The following BACH2 variants were observed in gnomAD, a reference collection of about 807,000 sequenced individuals.
BACH2 encodes the protein BACH transcriptional regulator 2.
BACH2 carries 5 observed loss-of-function variants against 61.8 expected under a neutral mutation model. The ratio of observed to expected loss-of-function variants is 0.08; its 90% CI spans 0.04 to 0.17. BACH2 has a LOEUF of 0.17. Ranked by LOEUF, BACH2 falls within the 10% of genes least tolerant of loss-of-function variation. The pLI, the probability that BACH2 is intolerant of heterozygous loss-of-function variation, is 1.00. For synonymous variants in BACH2, 446 were observed against 440.1 expected (o/e 1.01, Z -0.17); for missense variants, 824 against 1,091.1 (o/e 0.76, Z 3.45).
chr6:90,238,236 A>G (rs1261150115), intron 3 of BACH2, among the ~76,000 whole-genome samples: 1 of 152,144 alleles, frequency 6.6e-6, no homozygotes, highest in African/African-American at 2.4e-5. Flanking sequence ...TCGATCATCT[A>G]TCTATGTTGG....
chr6:90,134,111 CCA>C (rs1233071161), intron 4 of BACH2, among the ~76,000 whole-genome samples: 1 of 152,146 alleles, frequency 6.6e-6, no homozygotes, highest in South Asian at 2.1e-4. Flanking sequence ...TGAGGAATCG[CCA>C]CACTGACTTC....
At chr6:89,949,505 G>C in intron 7 of BACH2, among the ~76,000 whole-genome samples, 1 of 152,124 alleles carries the variant, frequency 6.6e-6, no homozygotes, top group East Asian at 1.9e-4. Flanking sequence ...TGTGGCTGCT[G>C]TTGCCCCTGT....
At chr6:89,998,239 C>T (rs1018437568) in intron 6 of BACH2, among the ~76,000 whole-genome samples, 1 of 152,068 alleles carries the variant, frequency 6.6e-6, no homozygotes, top group Non-Finnish European at 1.5e-5. Context: ...CTCTTTGCTG[C>T]CAGTCAGTCA....
chr6:90,086,252 G>A (rs117917782), intron 5 of BACH2, among the ~76,000 whole-genome samples: 2 of 152,238 alleles, frequency 1.3e-5, no homozygotes, highest in Non-Finnish European at 2.9e-5. Context: ...CACCTGGGTT[G>A]CATCCACCTC....
intron 3 of BACH2, among the ~76,000 whole-genome samples, chr6:90,219,752 C>A (rs1393744445): frequency 6.7e-6 from 1 of 150,296 alleles, no homozygotes; most frequent in Non-Finnish European, 1.5e-5. Context: ...TTCATACTCA[C>A]TTCATATTCT....
At chr6:89,947,452 G>C (rs1773795280) in intron 7 of BACH2, among the ~76,000 whole-genome samples, 1 of 152,136 alleles carries the variant, frequency 6.6e-6, no homozygotes, top group Non-Finnish European at 1.5e-5. Flanking sequence ...TAACTTTACT[G>C]TAACTGTCCT....
At chr6:90,095,284 T>C (rs1263763267) in intron 4 of BACH2, among the ~76,000 whole-genome samples, 1 of 152,262 alleles carries the variant, frequency 6.6e-6, no homozygotes, top group Non-Finnish European at 1.5e-5. Context: ...GACACTTGTA[T>C]AAGGCAGAAC....
intron 6 of BACH2, among the ~76,000 whole-genome samples, chr6:89,998,371 T>G (rs1478923665): frequency 6.6e-6 from 1 of 152,208 alleles, no homozygotes; most frequent in Admixed American, 6.5e-5. Context: ...GCTCACCGCA[T>G]TACTAGCTGG....
intron 7 of BACH2, among the ~76,000 whole-genome samples, chr6:89,942,142 C>G (rs1773471214): frequency 7.1e-6 from 1 of 141,608 alleles, no homozygotes. Flanking sequence ...CAAGGGAGGA[C>G]TTATGTTCAC....
intron 7 of BACH2, among the ~76,000 whole-genome samples, chr6:89,949,402 G>A (rs1027554448): frequency 6.6e-6 from 1 of 152,144 alleles, no homozygotes; most frequent in Non-Finnish European, 1.5e-5. Flanking sequence ...ACTCTCTCAG[G>A]TCTTTCTAGG....
intron 8 of BACH2, 53 bp from the exon 9 acceptor site, chr6:89,932,943 AG>A: frequency 6.6e-7 from 1 of 1,508,100 alleles, no homozygotes; most frequent in South Asian, 1.4e-5. Context: ...ACTGGAGGAC[AG>A]AAGGCCTCGT....
chr6:89,969,000 G>T (rs1775205532), intron 6 of BACH2, among the ~76,000 whole-genome samples: 1 of 150,470 alleles, frequency 6.6e-6, no homozygotes, highest in Non-Finnish European at 1.5e-5. Flanking sequence ...GACAGAATGA[G>T]ACTCTGTCTC....
rs766462405 is a variant in BACH2, at chr6:90,008,676, C to A, written c.169G>T (p.Ala57Ser). The A allele has an allele frequency of 3.1e-6, 5 of 1,614,108 alleles. No individual in the cohort carries two copies. The highest frequency in any genetic ancestry group is 4.5e-5 in the East Asian group (2 of 44,902). ...EFRAHRAVLA[A>S]CSEYFWQALV... Reference sequence around the variant, plus strand: ...GCCTGCCAAAAATATTCACTGCATGCGGCCAGCACAGCCCGGTGGGCCCGG... The same window carrying A: ...GCCTGCCAAAAATATTCACTGCATGAGGCCAGCACAGCCCGGTGGGCCCGG... The change falls in exon 6 of 9, where the codon GCA becomes TCA. Residue 57 changes from alanine (A) to serine (S), a missense_variant. This residue lies in a region of BACH2 where 66 missense variants were observed against 144.8 expected (regional missense o/e 0.46). Coordinates refer to ENST00000257749, the MANE Select transcript of BACH2 (RefSeq NM_021813.4). The surrounding 1 kb of genome is among the most constrained non-coding windows in gnomAD (Gnocchi z 4.1).
Position 89,932,256 on chromosome 6 carries a change from G to C in BACH2, c.*152C>G. On this transcript the variant is annotated 3_prime_UTR_variant, in exon 9 of 9. Transcript: ENST00000257749. ...TCACTCCTGCTCGAGAAGAGGAGAG[G>C]ATACTTCGGAACAGTATTGCTGCTA... The C allele has an allele frequency of 3.0e-6, 3 of 1,008,058 alleles. No homozygotes were observed. The highest frequency in any genetic ancestry group is 4.4e-6 in the Non-Finnish European group (3 of 684,906). The allele number at this position is 1,008,058 out of a possible 1,614,324, so 62.4% of individuals were successfully genotyped here.
chr6:90,294,220 C>T (rs537603779), intron 1 of BACH2, among the ~76,000 whole-genome samples: 3 of 152,206 alleles, frequency 2.0e-5, no homozygotes, highest in Non-Finnish European at 4.4e-5. Context: ...AATAGACAGA[C>T]AGCAGAAGAA....
intron 5 of BACH2, among the ~76,000 whole-genome samples, chr6:90,030,529 C>T (rs895105674): frequency 6.4e-4 from 97 of 152,214 alleles, no homozygotes; most frequent in African/African-American, 2.1e-3. Flanking sequence ...GATATCACCA[C>T]CGATGCCACA....
At chr6:90,101,582 T>C (rs1235533423) in intron 4 of BACH2, among the ~76,000 whole-genome samples, 1 of 152,204 alleles carries the variant, frequency 6.6e-6, no homozygotes, top group Non-Finnish European at 1.5e-5. Flanking sequence ...TCTTATAGGA[T>C]GTTTTGAAAA....
intron 6 of BACH2, among the ~76,000 whole-genome samples, chr6:89,973,088 T>C (rs12191258): frequency 0.56 from 85,565 of 151,844 alleles, 24,316 homozygotes; most frequent in African/African-American, 0.63. Context: ...GAAATTCCAT[T>C]TCAAAACAAC....
intron 3 of BACH2, among the ~76,000 whole-genome samples, chr6:90,211,126 CAAAAAAAA>C (rs3072672): frequency 8.8e-5 from 4 of 45,360 alleles, no homozygotes; most frequent in Admixed American, 3.0e-4. Flanking sequence ...GACTCCATCT[CAAAAAAAA>C]AAAAAAAAAA....
Sources: gnomAD v4.1 joint callset for allele counts (sites outside exome capture counted in the v4.1 genomes callset) on GRCh38, gnomAD v4.1.1 for gene constraint, gnomAD v4.1.1 regional missense constraint, Gnocchi (gnomAD v3.1) non-coding constraint, MANE v1.5 for transcripts, NCBI Gene and HGNC (gene_info 2026-07-23, HGNC 2026-07-21) for gene names.